MYO10: variants seen among roughly 807,000 people sequenced by gnomAD.
The protein encoded by MYO10 is myosin X.
A neutral mutation model predicts 257.3 loss-of-function variants in MYO10; 133 were observed. The observed-to-expected ratio is 0.52, with a 90% CI of 0.45 to 0.60. The LOEUF (loss-of-function observed/expected upper bound fraction) is 0.60. MYO10 is among the 20% of genes least tolerant of loss of function. The probability of loss-of-function intolerance (pLI) is 0.00; values close to 1 mark genes in which losing one functional copy is unlikely to be tolerated. For missense variants in MYO10, 2,399 were observed against 2,635.7 expected, an observed-to-expected ratio of 0.91 and a Z score of 1.97; for synonymous variants, 1,104 against 1,028.6, an observed-to-expected ratio of 1.07 and a Z score of -1.40.
At chr5:16,801,869 G>A (rs548040314) in intron 3 of MYO10, among the ~76,000 whole-genome samples, 2 of 152,234 alleles carry the variant, frequency 1.3e-5, no homozygotes, top group South Asian at 2.1e-4. Context: ...CCAAAAGGTA[G>A]AAGCAACCCA....
chr5:16,857,053 T>C (rs1467494022), intron 2 of MYO10, among the ~76,000 whole-genome samples: 1 of 152,202 alleles, frequency 6.6e-6, no homozygotes, highest in African/African-American at 2.4e-5. Flanking sequence ...ATTATATGTG[T>C]CAATTAGGTT....
intron 1 of MYO10, among the ~76,000 whole-genome samples, chr5:16,887,484 T>C (rs981012519): frequency 3.3e-5 from 5 of 152,196 alleles, no homozygotes; most frequent in Non-Finnish European, 7.3e-5. Flanking sequence ...GATTGAGTCC[T>C]GAGTTTTATT....
intron 22 of MYO10, among the ~76,000 whole-genome samples, chr5:16,703,538 GTAGTGTTTCACGGGCA>G: frequency 6.6e-6 from 1 of 152,178 alleles, no homozygotes; most frequent in Middle Eastern, 3.4e-3. Flanking sequence ...AATGTAACAC[GTAGTGTTTCACGGGCA>G]TAGTGGATGC....
At chr5:16,932,679 A>G (rs918166042) in intron 1 of MYO10, among the ~76,000 whole-genome samples, 3 of 152,134 alleles carry the variant, frequency 2.0e-5, no homozygotes, top group African/African-American at 7.2e-5. Context: ...AATCCTGGAG[A>G]ACATTTTGAA....
chr5:16,875,802 CACA>C (rs1278244179), intron 2 of MYO10, among the ~76,000 whole-genome samples: 1 of 152,198 alleles, frequency 6.6e-6, no homozygotes, highest in Non-Finnish European at 1.5e-5. Flanking sequence ...TTATTCTCAA[CACA>C]ACAACTTACA....
At chr5:16,822,688 T>A (rs1212746520) in intron 2 of MYO10, among the ~76,000 whole-genome samples, 2 of 62,826 alleles carry the variant, frequency 3.2e-5, no homozygotes, top group Middle Eastern at 0.011. Flanking sequence ...TTATTTATTT[T>A]TATTTTTTTT....
chr5:16,672,194 C>G (rs1316179969), intron 37 of MYO10, among the ~76,000 whole-genome samples: 1 of 150,778 alleles, frequency 6.6e-6, no homozygotes, highest in Non-Finnish European at 1.5e-5. Context: ...ACTCGGGAGT[C>G]TGAGGCAGGA....
intron 2 of MYO10, among the ~76,000 whole-genome samples, chr5:16,855,820 G>A (rs888879648): frequency 1.3e-5 from 2 of 152,202 alleles, no homozygotes; most frequent in Non-Finnish European, 2.9e-5. Context: ...CTGACGTGGC[G>A]GGGAGATGGA....
intron 1 of MYO10, among the ~76,000 whole-genome samples, chr5:16,912,801 T>TGC (rs1215226148): frequency 1.2e-4 from 6 of 50,996 alleles, no homozygotes; most frequent in African/African-American, 4.3e-4. Context: ...CCTACCACCC[T>TGC]GCACACACAC....
At chr5:16,769,325 T>C in intron 9 of MYO10, 122 bp from the exon 10 acceptor site, 2 of 1,078,164 alleles carry the variant, frequency 1.9e-6, no homozygotes, top group Non-Finnish European at 1.3e-6. Flanking sequence ...AAAAAATAGA[T>C]GCATAACCAC....
chr5:16,885,600 G>A (rs896557015), intron 1 of MYO10, among the ~76,000 whole-genome samples: 3 of 151,928 alleles, frequency 2.0e-5, no homozygotes, highest in African/African-American at 7.2e-5. Flanking sequence ...TGAACCCGGA[G>A]GACAGAGGTT....
At chr5:16,671,062 A>T in intron 38 of MYO10, 84 bp from the exon 39 acceptor site, 1 of 1,263,716 alleles carries the variant, frequency 7.9e-7, no homozygotes, top group African/African-American at 1.5e-5. Flanking sequence ...TCACTTCATG[A>T]GGGTTTCTCT....
At chr5:16,845,409 G>A (rs150849259) in intron 2 of MYO10, among the ~76,000 whole-genome samples, 5 of 152,276 alleles carry the variant, frequency 3.3e-5, no homozygotes, top group African/African-American at 1.2e-4. Flanking sequence ...GCTCTCACCT[G>A]TAATCCCAAT....
intron 23 of MYO10, 50 bp downstream of exon 23, chr5:16,702,875 G>T: frequency 6.8e-7 from 1 of 1,479,332 alleles, no homozygotes; most frequent in Non-Finnish European, 9.2e-7. Context: ...ACCGAGCACA[G>T]CACTCAAAAT....
At chr5:16,795,690 G>A (rs1302419177) in intron 3 of MYO10, among the ~76,000 whole-genome samples, 2 of 151,784 alleles carry the variant, frequency 1.3e-5, no homozygotes, top group Non-Finnish European at 2.9e-5. Flanking sequence ...AATTTTTTTT[G>A]TAGAGACATG....
chr5:16,821,159 A>G (rs1213579238), intron 2 of MYO10, among the ~76,000 whole-genome samples: 1 of 148,100 alleles, frequency 6.8e-6, no homozygotes, highest in African/African-American at 2.4e-5. Flanking sequence ...ATATCTATAT[A>G]AGGTATATAT....
chr5:16,924,222 A>G (rs2016972), intron 1 of MYO10, among the ~76,000 whole-genome samples: 70,764 of 151,994 alleles, frequency 0.47, 16,783 homozygotes, highest in South Asian at 0.53. Flanking sequence ...CTGGGGGGTG[A>G]GATGAATGGA....
chr5:16,781,836 A>T lies in MYO10; in HGVS notation c.603-7T>A. ...GAAAGCTTCCATGATGGGGCTGTGA[A>T]GACAGTGAGGGCAGCAGACAGCATT... On this transcript the variant is annotated splice_region_variant and splice_polypyrimidine_tract_variant and intron_variant, in intron 5 of 40. Coordinates refer to ENST00000513610, the MANE Select transcript of MYO10 (RefSeq NM_012334.3). 6.2e-7 allele frequency: 1 copy of T among 1,613,932 alleles called. No homozygotes were observed. The highest frequency in any genetic ancestry group is 1.3e-5 in the African/African-American group (1 of 75,038).
intron 1 of MYO10, among the ~76,000 whole-genome samples, chr5:16,910,491 A>G (rs879633912): frequency 6.6e-6 from 1 of 152,194 alleles, no homozygotes; most frequent in Non-Finnish European, 1.5e-5. Flanking sequence ...ATAGAGTTGG[A>G]AGGACCACGT....
Sources: allele counts gnomAD v4.1 joint callset (sites outside exome capture counted in the v4.1 genomes callset), GRCh38; gene constraint gnomAD v4.1.1; transcripts MANE v1.5; gene names NCBI Gene and HGNC (gene_info 2026-07-23, HGNC 2026-07-21).